FRMD4B: variants seen among roughly 807,000 people sequenced by gnomAD.
FRMD4B encodes the protein FERM domain-containing protein 4B.
Under a neutral mutation model 141.5 loss-of-function variants are expected in FRMD4B, and 74 were observed. The ratio of observed to expected loss-of-function variants is 0.52; its 90% CI spans 0.43 to 0.63. FRMD4B has a LOEUF of 0.63. FRMD4B is among the 30% of genes least tolerant of loss of function. The pLI, the probability that FRMD4B is intolerant of heterozygous loss-of-function variation, is 0.00. For synonymous variants in FRMD4B, 506 were observed against 467.9 expected, an observed-to-expected ratio of 1.08 and a Z score of -1.05; for missense variants, 1,366 against 1,253.4, an observed-to-expected ratio of 1.09 and a Z score of -1.36.
rs577275162 is a variant in FRMD4B, at chr3:69,215,284, CTTTTTTTTTTTT to C, written c.876+967_876+978del. On this transcript the variant is annotated intron_variant, in intron 11 of 22. Transcript: ENST00000398540. Reference sequence around the variant, plus strand: ...TCCAAATCTGATAGATTGTGACCCTCTTTTTTTTTTTTTTTTTTTTTTTTTTGAGATGGAGTC... The same window carrying C: ...TCCAAATCTGATAGATTGTGACCCTCTTTTTTTTTTTTTTGAGATGGAGTC... 5.2e-3 allele frequency among the ~76,000 whole-genome samples: 233 copies of C among 45,230 alleles called. 2 individuals are homozygous for C. Among genetic ancestry groups the C allele is most frequent in the Middle Eastern group, 0.023 (1 of 44 alleles). 29.7% of individuals were successfully genotyped at this position (45,230 alleles called of 152,430 possible).
At chr3:69,266,208 G>GA (rs113712658) in intron 5 of FRMD4B, among the ~76,000 whole-genome samples, 38 of 140,584 alleles carry the variant, frequency 2.7e-4, no homozygotes, top group African/African-American at 6.2e-4. Context: ...TCTCAAAAAA[G>GA]AAAAAAAAAA....
chr3:69,442,768 T>G (rs1167319247), intron 1 of FRMD4B, among the ~76,000 whole-genome samples: 1 of 152,130 alleles, frequency 6.6e-6, no homozygotes, highest in African/African-American at 2.4e-5. Context: ...CAACCAGACC[T>G]GCTTATGAAG....
chr3:69,231,537 C>T (rs935429217), intron 7 of FRMD4B, among the ~76,000 whole-genome samples: 1 of 152,280 alleles, frequency 6.6e-6, no homozygotes, highest in Non-Finnish European at 1.5e-5. Flanking sequence ...ATCTGCCCGC[C>T]TCCACCTCCC....
Position 69,391,721 on chromosome 3 carries a change from C to G in FRMD4B, c.-1+40913G>C, listed in dbSNP as rs538131352. 8.5e-5 allele frequency among the ~76,000 whole-genome samples: 13 copies of G among 152,306 alleles called. No individual in the cohort carries two copies. In the South Asian group the frequency reaches 1.0e-3, roughly 12 times the overall value. The stretch of plus-strand genomic sequence containing the variant: ...ATTGCTCCTCTCAGCTCACTTTTCT[C>G]TATTAGACTGTCAGCTATGTGAGGA... On this transcript the variant is annotated intron_variant, in intron 2 of 5. Transcript: ENST00000459638.
At chr3:69,283,202 G>A (rs1354811638) in intron 5 of FRMD4B, among the ~76,000 whole-genome samples, 1 of 151,718 alleles carries the variant, frequency 6.6e-6, no homozygotes, top group Non-Finnish European at 1.5e-5. Context: ...TGGCCAACAT[G>A]GTGAAACCCC....
intron 1 of FRMD4B, among the ~76,000 whole-genome samples, chr3:69,436,851 G>A (rs1047855403): frequency 2.0e-5 from 3 of 152,150 alleles, no homozygotes; most frequent in African/African-American, 7.2e-5. Context: ...GACATGAAAG[G>A]ACAAATATTG....
intron 7 of FRMD4B, among the ~76,000 whole-genome samples, chr3:69,236,260 G>A (rs1250588774): frequency 9.0e-4 from 130 of 144,694 alleles, no homozygotes; most frequent in South Asian, 1.1e-3. Flanking sequence ...ATGGAGTCTC[G>A]CTCTGTTGCC....
At chr3:69,455,314 T>C (rs911799665) in intron 1 of FRMD4B, among the ~76,000 whole-genome samples, 1 of 152,226 alleles carries the variant, frequency 6.6e-6, no homozygotes, top group Non-Finnish European at 1.5e-5. Context: ...GTTTGTTCTT[T>C]CACTCTTTGC....
intron 1 of FRMD4B, among the ~76,000 whole-genome samples, chr3:69,376,517 C>T (rs750696393): frequency 1.3e-5 from 2 of 151,940 alleles, no homozygotes; most frequent in Non-Finnish European, 2.9e-5. Context: ...AAAGGAAAAA[C>T]AGCTATTTAA....
At chr3:69,466,532 A>G (rs958978632) in intron 1 of FRMD4B, among the ~76,000 whole-genome samples, 2 of 152,196 alleles carry the variant, frequency 1.3e-5, no homozygotes, top group African/African-American at 4.8e-5. Flanking sequence ...CAAAATAATA[A>G]GGAGGGGAGA....
At chr3:69,202,112 A>C (rs990423421) in intron 11 of FRMD4B, among the ~76,000 whole-genome samples, 4 of 152,120 alleles carry the variant, frequency 2.6e-5, no homozygotes, top group African/African-American at 9.7e-5. Context: ...CTGAGGCAGG[A>C]GCATCACTTG....
chr3:69,352,608 T>C (rs1703185612), intron 1 of FRMD4B, among the ~76,000 whole-genome samples: 1 of 152,064 alleles, frequency 6.6e-6, no homozygotes, highest in African/African-American at 2.4e-5. Context: ...AATGGCCACA[T>C]GGAGTTGGAC....
intron 1 of FRMD4B, among the ~76,000 whole-genome samples, chr3:69,336,107 G>A (rs1559813482): frequency 6.6e-6 from 1 of 151,802 alleles, no homozygotes; most frequent in East Asian, 1.9e-4. Flanking sequence ...ACTTCCCTTG[G>A]GGGGTGAAGT....
chr3:69,317,916 T>C (rs938580882), intron 1 of FRMD4B, among the ~76,000 whole-genome samples: 13 of 152,124 alleles, frequency 8.5e-5, no homozygotes, highest in African/African-American at 3.1e-4. Context: ...TGAAACACCC[T>C]GTATTCCTTT....
intron 1 of FRMD4B, among the ~76,000 whole-genome samples, chr3:69,344,894 T>C (rs796508693): frequency 3.3e-5 from 5 of 152,312 alleles, no homozygotes; most frequent in African/African-American, 1.2e-4. Flanking sequence ...CTCCAGTCTA[T>C]AGCTCCCAGC....
chr3:69,455,747 T>G (rs1705592893), intron 1 of FRMD4B, among the ~76,000 whole-genome samples: 1 of 152,196 alleles, frequency 6.6e-6, no homozygotes, highest in South Asian at 2.1e-4. Flanking sequence ...AACTACGAAT[T>G]TTATGCAACA....
At position 69,229,550 on chromosome 3, in the gene FRMD4B, G is replaced by A. The variant is rs188672857; in HGVS notation, c.582-4860C>T. Among the ~76,000 whole-genome samples, 283 of 152,264 alleles carry A rather than the reference G, an allele frequency of 1.9e-3. 2 individuals are homozygous for A. The highest frequency in any genetic ancestry group is 6.6e-3 in the African/African-American group (274 of 41,552). On this transcript the variant is annotated intron_variant, in intron 7 of 22. Coordinates refer to ENST00000398540, the MANE Select transcript of FRMD4B (RefSeq NM_015123.3). ...TGGACGTGACTATAACACTAAAAGA[G>A]AAAGCCAGCAGAATAATCGAAAGAC...
intron 2 of FRMD4B, among the ~76,000 whole-genome samples, chr3:69,407,601 G>C (rs1414360866): frequency 1.3e-5 from 2 of 152,182 alleles, no homozygotes; most frequent in Non-Finnish European, 2.9e-5. Flanking sequence ...CAGGATTTTT[G>C]TCTTTGTGAT....
chr3:69,343,978 A>G (rs1037290868), intron 1 of FRMD4B, among the ~76,000 whole-genome samples: 4 of 152,228 alleles, frequency 2.6e-5, no homozygotes, highest in Admixed American at 6.5e-5. Context: ...TAATGGACCC[A>G]TAAGTATAGT....
Sources: allele counts gnomAD v4.1 joint callset (sites outside exome capture counted in the v4.1 genomes callset), GRCh38; gene constraint gnomAD v4.1.1; transcripts MANE v1.5; gene names NCBI Gene and HGNC (gene_info 2026-07-23, HGNC 2026-07-21).